The following CDH18 variants were observed in gnomAD, a reference collection of about 807,000 sequenced individuals.
CDH18 encodes the protein cadherin-18.
CDH18 carries 31 observed loss-of-function variants against 67.9 expected under a neutral mutation model. The ratio of observed to expected loss-of-function variants is 0.46; its 90% CI spans 0.34 to 0.62. CDH18 has a LOEUF of 0.62. CDH18 is among the 20% of genes least tolerant of loss of function. The pLI is 0.01. For missense variants in CDH18, 890 were observed against 975.5 expected, an observed-to-expected ratio of 0.91 and a Z score of 1.17; for synonymous variants, 362 against 347.2, an observed-to-expected ratio of 1.04 and a Z score of -0.48.
At chr5:20,490,352 T>C (rs1301707924) in intron 1 of CDH18, among the ~76,000 whole-genome samples, 1 of 152,072 alleles carries the variant, frequency 6.6e-6, no homozygotes, top group Non-Finnish European at 1.5e-5. Flanking sequence ...CTATACAACT[T>C]TCTAGATAAT....
intron 2 of CDH18, among the ~76,000 whole-genome samples, chr5:19,922,567 T>A (rs371636851): frequency 6.6e-6 from 1 of 152,290 alleles, no homozygotes; most frequent in East Asian, 1.9e-4. Context: ...CCTTTCTCTA[T>A]CTGCTGTTAA....
chr5:20,065,417 T>C (rs924573179), intron 2 of CDH18, among the ~76,000 whole-genome samples: 34 of 151,978 alleles, frequency 2.2e-4, no homozygotes, highest in Non-Finnish European at 4.7e-4. Flanking sequence ...AATACAGTAG[T>C]TTAGACACTT....
chr5:19,893,086 A>C lies in CDH18; in HGVS notation c.-256-53844T>G, dbSNP rs561906339. Among the ~76,000 whole-genome samples, 278 of 152,254 alleles carry C rather than the reference A, an allele frequency of 1.8e-3. 1 individual carries two copies. The highest frequency in any genetic ancestry group is 6.4e-3 in the African/African-American group (266 of 41,558). ...TGAGAGTGAAGCCCTCATGAATGGC[A>C]TTAGTGCTTTTATACAAGAGGCCTC... is the stretch of plus-strand genomic sequence containing the variant. On this transcript the variant is annotated intron_variant, in intron 2 of 12. Coordinates refer to ENST00000382275, the MANE Select transcript of CDH18 (RefSeq NM_004934.5).
At chr5:20,452,442 A>G (rs1379227378) in intron 1 of CDH18, among the ~76,000 whole-genome samples, 1 of 152,144 alleles carries the variant, frequency 6.6e-6, no homozygotes, top group African/African-American at 2.4e-5. Context: ...AAAGAATGAG[A>G]TCACATTCTT....
chr5:20,251,193 G>A (rs2126595997), intron 2 of CDH18, among the ~76,000 whole-genome samples: 1 of 152,064 alleles, frequency 6.6e-6, no homozygotes, highest in African/African-American at 2.4e-5. Context: ...ACTTAGGGAT[G>A]GTGCTGTAAA....
At chr5:20,428,522 T>C (rs1197200650) in intron 1 of CDH18, among the ~76,000 whole-genome samples, 1 of 152,230 alleles carries the variant, frequency 6.6e-6, no homozygotes, top group Non-Finnish European at 1.5e-5. Context: ...ATTGTCACAC[T>C]GTCTTCCATA....
chr5:20,211,378 C>T (rs1366877524), intron 2 of CDH18, among the ~76,000 whole-genome samples: 1 of 152,066 alleles, frequency 6.6e-6, no homozygotes, highest in East Asian at 1.9e-4. Flanking sequence ...TGTCTGACAG[C>T]TTTGAAGAGA....
intron 4 of CDH18, among the ~76,000 whole-genome samples, chr5:19,741,915 GA>G (rs1769263107): frequency 6.6e-6 from 1 of 152,068 alleles, no homozygotes; most frequent in Non-Finnish European, 1.5e-5. Flanking sequence ...GCACAGGGAA[GA>G]CCCTCACAAC....
At chr5:20,480,549 C>T (rs1000410131) in intron 1 of CDH18, among the ~76,000 whole-genome samples, 1 of 151,978 alleles carries the variant, frequency 6.6e-6, no homozygotes, top group Non-Finnish European at 1.5e-5. Flanking sequence ...TCCCAAGTAG[C>T]TGGGATTACA....
chr5:19,920,301 G>A (rs1792286350), intron 2 of CDH18, among the ~76,000 whole-genome samples: 1 of 152,050 alleles, frequency 6.6e-6, no homozygotes, highest in African/African-American at 2.4e-5. Context: ...ATCAATAACA[G>A]AAACAGATGT....
rs538162763 is a variant in CDH18, at chr5:19,965,674, T to G, written c.-257+15386A>C. 2.6e-5 allele frequency among the ~76,000 whole-genome samples: 4 copies of G among 152,282 alleles called. No individual in the cohort carries two copies. The South Asian group carries it at 8.3e-4, about 32-fold the overall frequency. On this transcript the variant is annotated intron_variant, in intron 2 of 12. Transcript: ENST00000382275. Reference sequence around the variant, plus strand: ...CAAAAACTATACAGTATGTCAACAGTTTCACTGTCCTGAAGGCTACATTTC... The same window carrying G: ...CAAAAACTATACAGTATGTCAACAGGTTCACTGTCCTGAAGGCTACATTTC...
intron 2 of CDH18, among the ~76,000 whole-genome samples, chr5:20,106,966 C>T (rs1746995163): frequency 6.6e-6 from 1 of 151,932 alleles, no homozygotes; most frequent in Admixed American, 6.6e-5. Context: ...CCTCGAAACG[C>T]TTTTTGTTTG....
chr5:20,501,557 A>T lies in CDH18; in HGVS notation c.-580+73905T>A, dbSNP rs1466385016. On this transcript the variant is annotated intron_variant, in intron 1 of 14. Transcript: ENST00000507958. ...ATATTATATACATATTATATATATA[A>T]TATATATATATAATATATATATATT... Among the ~76,000 whole-genome samples the T allele has an allele frequency of 9.7e-3, 91 of 9,416 alleles. 1 individual carries two copies. In the East Asian group the frequency reaches 0.32, roughly 33 times the overall value. The allele number at this position is 9,416 out of a possible 152,430, so 6.2% of individuals were successfully genotyped here. A position where few individuals can be genotyped will look rare whatever the true frequency, so the allele number is the denominator to read the frequency against.
intron 5 of CDH18, among the ~76,000 whole-genome samples, chr5:19,709,387 G>A (rs1295455176): frequency 6.6e-6 from 1 of 152,060 alleles, no homozygotes; most frequent in Non-Finnish European, 1.5e-5. Context: ...GATCAACATG[G>A]TGAAACCCAT....
At chr5:20,315,519 A>T (rs1332560513) in intron 1 of CDH18, among the ~76,000 whole-genome samples, 1 of 152,112 alleles carries the variant, frequency 6.6e-6, no homozygotes, top group Non-Finnish European at 1.5e-5. Flanking sequence ...CTCAACTTTT[A>T]ACAAGGGCCT....
intron 1 of CDH18, among the ~76,000 whole-genome samples, chr5:20,309,832 A>T (rs1207538351): frequency 6.6e-6 from 1 of 152,226 alleles, no homozygotes; most frequent in Non-Finnish European, 1.5e-5. Flanking sequence ...ATGCATCTGC[A>T]TATATAGCCA....
At chr5:19,590,288 T>C (rs1344873065) in intron 7 of CDH18, among the ~76,000 whole-genome samples, 2 of 152,150 alleles carry the variant, frequency 1.3e-5, no homozygotes, top group Non-Finnish European at 2.9e-5. Context: ...TGATATTTTA[T>C]ATGTACCAGT....
chr5:19,838,437 A>C (rs1413832712), intron 3 of CDH18, among the ~76,000 whole-genome samples: 1 of 152,202 alleles, frequency 6.6e-6, no homozygotes, highest in Non-Finnish European at 1.5e-5. Flanking sequence ...CAAGGTAATA[A>C]AGAAAAAATT....
intron 5 of CDH18, among the ~76,000 whole-genome samples, chr5:19,687,553 C>T (rs530218226): frequency 6.6e-5 from 10 of 152,294 alleles, no homozygotes; most frequent in Admixed American, 2.0e-4. Context: ...ATAGCACATG[C>T]TCCCCAGAGC....
Sources: allele counts gnomAD v4.1 joint callset (sites outside exome capture counted in the v4.1 genomes callset), GRCh38; gene constraint gnomAD v4.1.1; transcripts MANE v1.5; gene names NCBI Gene and HGNC (gene_info 2026-07-23, HGNC 2026-07-21).